The following DPP6 variants were observed in gnomAD, a reference collection of about 807,000 sequenced individuals.
The protein encoded by DPP6 is A-type potassium channel modulatory protein DPP6.
A neutral mutation model predicts 122.6 loss-of-function variants in DPP6; 69 were observed. That is an observed-to-expected ratio of 0.56 (90% CI 0.46 to 0.69). The LOEUF is 0.69. Among genes scored for constraint, DPP6 ranks in the 30% least tolerant of loss-of-function variants. DPP6 has a pLI of 0.00. For missense variants in DPP6, 928 were observed against 1,116.9 expected, an observed-to-expected ratio of 0.83 and a Z score of 2.41; for synonymous variants, 418 against 433.1, an observed-to-expected ratio of 0.97 and a Z score of 0.43.
rs556754807 is a variant in DPP6, at chr7:154,647,699, A to G, written c.680+9826A>G. On this transcript the variant is annotated intron_variant, in intron 6 of 25. Transcript: ENST00000377770. ...TTCAGACAGACACGCCAGATGTTACAGGTCACTGCATCTAAGATGGAAGGT... is the reference window on the plus strand; with the variant it reads ...TTCAGACAGACACGCCAGATGTTACGGGTCACTGCATCTAAGATGGAAGGT... 4.3e-4 allele frequency among the ~76,000 whole-genome samples: 66 copies of G among 152,312 alleles called. No individual in the cohort carries two copies. In the South Asian group the frequency reaches 0.013, roughly 30 times the overall value.
chr7:154,841,536 A>G (rs988870931), intron 16 of DPP6, among the ~76,000 whole-genome samples: 2 of 152,136 alleles, frequency 1.3e-5, no homozygotes, highest in African/African-American at 2.4e-5. Flanking sequence ...TTACAAATCA[A>G]CTACCCAAAG....
chr7:154,519,400 CA>C (rs372979426), intron 3 of DPP6, among the ~76,000 whole-genome samples: 9 of 152,316 alleles, frequency 5.9e-5, no homozygotes, highest in African/African-American at 2.2e-4. Flanking sequence ...CACACGCTAC[CA>C]GGAGACGTCT....
rs558714332 is a variant in DPP6 at position 154,339,481 on chromosome 7, G to A, written c.244-106733G>A. Among the ~76,000 whole-genome samples, 4 of 152,320 alleles carry A rather than the reference G, an allele frequency of 2.6e-5. No individual in the cohort carries two copies. In the South Asian group the frequency reaches 8.3e-4, roughly 32 times the overall value. The stretch of plus-strand genomic sequence containing the variant: ...CTAAAGAGCCCACCGAATAGAAAAC[G>A]TCTACTTCCCGTAGGCTCCTGAGAA... On this transcript the variant is annotated intron_variant, in intron 1 of 25. Transcript: ENST00000377770.
chr7:154,376,997 A>G (rs1222829708), intron 1 of DPP6, among the ~76,000 whole-genome samples: 1 of 152,112 alleles, frequency 6.6e-6, no homozygotes, highest in African/African-American at 2.4e-5. Context: ...CTTACAGCAA[A>G]CACTTTTAGT....
At position 154,185,779 on chromosome 7, in the gene DPP6, A is replaced by G. The variant is rs577148857; in HGVS notation, c.243+132716A>G. On this transcript the variant is annotated intron_variant, in intron 1 of 25. Coordinates refer to ENST00000377770, the MANE Select transcript of DPP6 (RefSeq NM_130797.4). The stretch of plus-strand genomic sequence containing the variant: ...TGTCAATTACTTCTGGAATCCCCAT[A>G]TCTACTCTTTTAGGCTTTTAAAGAT... Among the ~76,000 whole-genome samples the G allele has an allele frequency of 3.3e-5, 5 of 152,318 alleles. No homozygotes were observed. In the South Asian group the frequency reaches 8.3e-4, roughly 25 times the overall value.
At chr7:153,801,851 CTCT>C in the DPP6 span, among the ~76,000 whole-genome samples, 24 of 152,234 alleles carry the variant, frequency 1.6e-4, no homozygotes, top group South Asian at 3.5e-3. Flanking sequence ...GTTAACTGGA[CTCT>C]TCTTCTCCAA....
chr7:153,843,243 C>G, the DPP6 span, among the ~76,000 whole-genome samples: 1 of 150,540 alleles, frequency 6.6e-6, no homozygotes, highest in Admixed American at 6.6e-5. Context: ...TACACACGCA[C>G]ATACATGTGC....
At chr7:154,124,030 C>T (rs1400078281) in intron 1 of DPP6, among the ~76,000 whole-genome samples, 6 of 151,618 alleles carry the variant, frequency 4.0e-5, no homozygotes, top group South Asian at 2.1e-4. Flanking sequence ...ACAGACATGC[C>T]GCCCACGCAC....
intron 1 of DPP6, among the ~76,000 whole-genome samples, chr7:154,120,932 C>T (rs1052459058): frequency 1.3e-5 from 2 of 152,096 alleles, no homozygotes; most frequent in Admixed American, 6.5e-5. Context: ...TGTAATAATC[C>T]CCACAGGTCA....
At chr7:153,902,304 T>C (rs949373323) in intron 1 of DPP6, among the ~76,000 whole-genome samples, 9 of 152,362 alleles carry the variant, frequency 5.9e-5, no homozygotes, top group African/African-American at 1.9e-4. Flanking sequence ...TTACTGGCTT[T>C]ATTTAGAGGG....
chr7:154,580,080 G>A (rs866920551), intron 5 of DPP6, among the ~76,000 whole-genome samples: 9 of 152,054 alleles, frequency 5.9e-5, no homozygotes, highest in South Asian at 2.1e-4. Context: ...GGGATAGGAT[G>A]TAGCGGTGAA....
At chr7:153,789,592 A>G in the DPP6 span, among the ~76,000 whole-genome samples, 1 of 152,328 alleles carries the variant, frequency 6.6e-6, no homozygotes, top group Admixed American at 6.5e-5. Flanking sequence ...ATGCTAGACT[A>G]CAAAGTAATG....
chr7:153,791,231 A>C, the DPP6 span, among the ~76,000 whole-genome samples: 335 of 152,250 alleles, frequency 2.2e-3, no homozygotes, highest in African/African-American at 7.4e-3. Flanking sequence ...ATATCATGTT[A>C]TTAGTGTTCC....
chr7:154,861,073 A>C (rs963930163), intron 17 of DPP6, among the ~76,000 whole-genome samples: 13 of 152,224 alleles, frequency 8.5e-5, no homozygotes, highest in African/African-American at 3.1e-4. Flanking sequence ...GCATCAGGCA[A>C]GTTTCTACCT....
At chr7:153,996,974 G>A (rs1226133420) in intron 1 of DPP6, among the ~76,000 whole-genome samples, 7 of 151,872 alleles carry the variant, frequency 4.6e-5, no homozygotes, top group Admixed American at 2.0e-4. Flanking sequence ...AAATGACAAG[G>A]CAATTTTTTG....
chr7:154,455,147 G>A (rs1339845673), intron 2 of DPP6, among the ~76,000 whole-genome samples: 1 of 152,196 alleles, frequency 6.6e-6, no homozygotes, highest in Non-Finnish European at 1.5e-5. Flanking sequence ...AGGAAGGGAT[G>A]GACACATAGA....
At chr7:154,285,789 A>G (rs1804810392) in intron 1 of DPP6, among the ~76,000 whole-genome samples, 1 of 152,206 alleles carries the variant, frequency 6.6e-6, no homozygotes, top group African/African-American at 2.4e-5. Flanking sequence ...ACTGCTGTGC[A>G]TTTATTACAA....
chr7:154,260,741 TAA>T (rs1802962780), intron 1 of DPP6, among the ~76,000 whole-genome samples: 1 of 148,032 alleles, frequency 6.8e-6, no homozygotes, highest in Non-Finnish European at 1.5e-5. Context: ...TATATATGTA[TAA>T]TATATATATT....
intron 17 of DPP6, among the ~76,000 whole-genome samples, chr7:154,860,299 G>C (rs1803268508): frequency 6.6e-6 from 1 of 152,178 alleles, no homozygotes; most frequent in African/African-American, 2.4e-5. Context: ...TCAGGAGCAT[G>C]GCATTCCAGA....
Sources: allele counts gnomAD v4.1 joint callset (sites outside exome capture counted in the v4.1 genomes callset), GRCh38; gene constraint gnomAD v4.1.1; transcripts MANE v1.5; gene names NCBI Gene and HGNC (gene_info 2026-07-23, HGNC 2026-07-21).